ZNF577: variants seen among roughly 807,000 people sequenced by gnomAD.
ZNF577 encodes zinc finger protein 577.
Under a neutral mutation model 13.9 loss-of-function variants are expected in ZNF577, and 14 were observed. The observed-to-expected ratio is 1.00, with a 90% CI of 0.66 to 1.57. The LOEUF is 1.57. Among genes scored for constraint, ZNF577 ranks in the 40% most tolerant of loss-of-function variants. The pLI is 0.00. For synonymous variants in ZNF577, 203 were observed against 202.9 expected (o/e 1.00, Z 0.00); for missense variants, 555 against 579.2 (o/e 0.96, Z 0.43).
intron 10 of ZNF577, among the ~76,000 whole-genome samples, chr19:51,807,826 C>T (rs1215105540): frequency 6.6e-6 from 1 of 152,176 alleles, no homozygotes; most frequent in East Asian, 1.9e-4. Flanking sequence ...TCTAAAGGAA[C>T]AATAATTTTG....
chr19:51,831,342 C>T (rs572469336), intron 9 of ZNF577, among the ~76,000 whole-genome samples: 14 of 152,276 alleles, frequency 9.2e-5, no homozygotes, highest in Admixed American at 7.2e-4. Flanking sequence ...GTCTCAAACT[C>T]CTGATCTCAA....
Position 51,824,832 on chromosome 19 carries a change from CTG to C in ZNF577, c.*600-13160_*600-13159del, listed in dbSNP as rs1304779668. The C allele has an allele frequency of 6.4e-7, 1 of 1,572,688 alleles. No homozygotes were observed. The highest frequency in any genetic ancestry group is 1.4e-5 in the African/African-American group (1 of 73,394). ...GTGAGGTCGGGGATATTTTTGGGCTCTGTCTCTTTCTACCCTGCGTTAAGCGG... is the reference window on the plus strand; with the variant it reads ...GTGAGGTCGGGGATATTTTTGGGCTCTCTCTTTCTACCCTGCGTTAAGCGG... On this transcript the variant is annotated intron_variant and NMD_transcript_variant, in intron 9 of 10. Transcript: ENST00000638827. This position sits in a 1 kb window ranked among gnomAD's most constrained non-coding sequence, Gnocchi z 4.7.
intron 1 of ZNF577, among the ~76,000 whole-genome samples, chr19:51,882,993 ATTT>A (rs536929212): frequency 1.2e-3 from 158 of 133,020 alleles, no homozygotes; most frequent in African/African-American, 4.1e-3. Context: ...TTTAAAAAAA[ATTT>A]TTTTTTTTTT....
chr19:51,873,571 C>G lies in ZNF577; in HGVS notation c.419G>C (p.Ser140Thr). ...VKYHRCVKPS[S>T]PKSQLNDLQK... ...TAGGTCATTGAGCTGTGATTTAGGGCTGCTGGGTTTAACACATCTATGGTA... is the reference window on the plus strand; with the variant it reads ...TAGGTCATTGAGCTGTGATTTAGGGGTGCTGGGTTTAACACATCTATGGTA... Residue 140 changes from serine (S) to threonine (T), a missense_variant, in exon 6 of 6, where the codon AGC becomes ACC. Physicochemically the swap from Ser to Thr is moderately conservative, Grantham distance 58 (BLOSUM62 1). Coordinates refer to ENST00000638348, the MANE Select transcript of ZNF577 (RefSeq NM_001370449.1). 6.2e-7 allele frequency: 1 copy of G among 1,614,212 alleles called. No homozygotes were observed. Among genetic ancestry groups the G allele is most frequent in the Non-Finnish European group, 8.5e-7 (1 of 1,180,036 alleles).
chr19:51,877,451 C>G, intron 4 of ZNF577, 74 bp from the exon 5 acceptor site: 1 of 1,209,522 alleles, frequency 8.3e-7, no homozygotes, highest in Admixed American at 1.8e-5. Context: ...GGTTATGTCT[C>G]AGGAACCACA....
chr19:51,845,739 G>A (rs1451654409), intron 5 of ZNF577, among the ~76,000 whole-genome samples: 1 of 152,096 alleles, frequency 6.6e-6, no homozygotes, highest in Non-Finnish European at 1.5e-5. Context: ...CTTTCTCTGT[G>A]AGGCTTATTT....
In ZNF577 at chr19:51,871,681, T is replaced by G. The variant is rs576590432; in HGVS notation, c.*851A>C. On this transcript the variant is annotated 3_prime_UTR_variant, in exon 6 of 6. Coordinates refer to ENST00000638348, the MANE Select transcript of ZNF577 (RefSeq NM_001370449.1). ...GCTTATCTGGGTTTTCACAGTGTAA[T>G]CACAAGGGTCCTCAAACATGGAAGA... 2.0e-5 allele frequency: 3 copies of G among 152,240 alleles called. No individual in the cohort carries two copies. In the South Asian group the frequency reaches 6.2e-4, roughly 32 times the overall value. 9.4% of individuals were successfully genotyped at this position (152,240 alleles called of 1,614,324 possible).
At chr19:51,863,872 T>C (rs1168517683), downstream of ZNF577, among the ~76,000 whole-genome samples, 1 of 152,236 alleles carries the variant, frequency 6.6e-6, no homozygotes, top group African/African-American at 2.4e-5. Flanking sequence ...ACTAGAAAGT[T>C]ACCTAGCTGT....
intron 1 of ZNF577, among the ~76,000 whole-genome samples, chr19:51,883,054 C>T (rs2084887775): frequency 6.8e-6 from 1 of 148,050 alleles, no homozygotes; most frequent in Non-Finnish European, 1.5e-5. Context: ...AGTGCAGTAG[C>T]GCGATCTCAG....
At chr19:51,877,175 A>G (rs1011004192) in intron 5 of ZNF577, 107 bp downstream of exon 5, 39 of 877,722 alleles carry the variant, frequency 4.4e-5, no homozygotes, top group Non-Finnish European at 6.3e-5. Flanking sequence ...TGGGCCACCA[A>G]CTACTGTGAA....
intron 3 of ZNF577, 123 bp from the exon 4 acceptor site, chr19:51,878,638 T>C: frequency 1.6e-6 from 2 of 1,253,924 alleles, no homozygotes; most frequent in Non-Finnish European, 1.1e-6. Context: ...CTATTTCACA[T>C]ACCAAAGGAC....
chr19:51,880,110 C>T (rs2084837663), intron 3 of ZNF577, among the ~76,000 whole-genome samples: 1 of 152,154 alleles, frequency 6.6e-6, no homozygotes, highest in Non-Finnish European at 1.5e-5. Context: ...GACCAGAAGC[C>T]TCTATTTTCA....
chr19:51,880,172 A>T (rs947624973), intron 3 of ZNF577, 151 bp downstream of exon 3: 11 of 813,884 alleles, frequency 1.4e-5, no homozygotes, highest in Non-Finnish European at 2.0e-6. Context: ...CTTTGGCATT[A>T]CTCCTTAGCT....
chr19:51,835,601 G>A (rs1480820250), intron 9 of ZNF577, among the ~76,000 whole-genome samples: 2 of 152,138 alleles, frequency 1.3e-5, no homozygotes, highest in Non-Finnish European at 2.9e-5. Context: ...TGATTTTTAT[G>A]AACTGAAGTT....
intron 9 of ZNF577, among the ~76,000 whole-genome samples, chr19:51,821,182 T>A (rs939414399): frequency 6.6e-6 from 1 of 152,160 alleles, no homozygotes; most frequent in African/African-American, 2.4e-5. Flanking sequence ...ACCACAAAAC[T>A]GTCCTTGTTC....
intron 5 of ZNF577, among the ~76,000 whole-genome samples, chr19:51,858,163 T>C (rs1258705670): frequency 2.0e-5 from 3 of 152,182 alleles, no homozygotes; most frequent in Non-Finnish European, 2.9e-5. Flanking sequence ...TACAAAGCAA[T>C]TGCATTCTTC....
chr19:51,824,642 C>T lies in ZNF577; in HGVS notation c.*600-12968G>A. Reference sequence around the variant, plus strand: ...TGGCCTTTTTTAACAGCTGCCTCAACCCAATTCTCTACGTCTTTATGGGTC... The same window carrying T: ...TGGCCTTTTTTAACAGCTGCCTCAATCCAATTCTCTACGTCTTTATGGGTC... On this transcript the variant is annotated intron_variant and NMD_transcript_variant, in intron 9 of 10. Coordinates refer to the ZNF577 transcript ENST00000638827. The surrounding 1 kb of genome is among the most constrained non-coding windows in gnomAD (Gnocchi z 4.7). 6.2e-7 allele frequency: 1 copy of T among 1,614,170 alleles called. No homozygotes were observed.
At chr19:51,857,835 T>C (rs923233610) in intron 5 of ZNF577, among the ~76,000 whole-genome samples, 12 of 152,022 alleles carry the variant, frequency 7.9e-5, no homozygotes, top group African/African-American at 2.7e-4. Flanking sequence ...AAATCTAAGA[T>C]TATTATTTTA....
intron 1 of ZNF577, among the ~76,000 whole-genome samples, chr19:51,885,218 C>T (rs1468654945): frequency 6.6e-6 from 1 of 152,202 alleles, no homozygotes; most frequent in East Asian, 1.9e-4. Context: ...AACACAGCCA[C>T]ACCCATTTGT....
Sources: gnomAD v4.1 joint callset for allele counts (sites outside exome capture counted in the v4.1 genomes callset) on GRCh38, gnomAD v4.1.1 for gene constraint, Gnocchi (gnomAD v3.1) non-coding constraint, MANE v1.5 for transcripts, NCBI Gene and HGNC (gene_info 2026-07-23, HGNC 2026-07-21) for gene names.